The following NEBL variants were observed in gnomAD, a reference collection of about 807,000 sequenced individuals.
The protein encoded by NEBL is nebulette, also known as LIM and SH3 protein 2.
Under a neutral mutation model 140.2 loss-of-function variants are expected in NEBL, and 122 were observed. The ratio of observed to expected loss-of-function variants is 0.87; its 90% CI spans 0.75 to 1.01. The LOEUF is 1.01. Among genes scored for constraint, NEBL ranks in the 50% least tolerant of loss-of-function variants. The pLI, the probability that NEBL is intolerant of heterozygous loss-of-function variation, is 0.00. For synonymous variants in NEBL, 436 were observed against 398.9 expected (o/e 1.09, Z -1.11); for missense variants, 1,365 against 1,231.3 (o/e 1.11, Z -1.62).
intron 2 of NEBL, among the ~76,000 whole-genome samples, chr10:21,166,474 G>A (rs1840784825): frequency 6.6e-6 from 1 of 152,054 alleles, no homozygotes; most frequent in Non-Finnish European, 1.5e-5. Flanking sequence ...GTGTGAGTGA[G>A]TTCTTATCAT....
At chr10:20,862,379 T>G (rs774424151) in intron 7 of NEBL, among the ~76,000 whole-genome samples, 1 of 152,092 alleles carries the variant, frequency 6.6e-6, no homozygotes, top group Non-Finnish European at 1.5e-5. Flanking sequence ...CTACATTATA[T>G]AAAAAAATGC....
chr10:21,168,040 A>G (rs753720727), intron 2 of NEBL, among the ~76,000 whole-genome samples: 4 of 152,228 alleles, frequency 2.6e-5, no homozygotes, highest in Non-Finnish European at 4.4e-5. Flanking sequence ...TCTAGTGTGT[A>G]CTATACTTTG....
chr10:21,219,860 GTT>G (rs11333216), intron 3 of NEBL, among the ~76,000 whole-genome samples: 2,334 of 128,932 alleles, frequency 0.018, 33 homozygotes, highest in African/African-American at 0.038. Flanking sequence ...ATTTTCTTGG[GTT>G]TTTTTTTTTT....
intron 3 of NEBL, among the ~76,000 whole-genome samples, chr10:21,194,821 AC>A (rs1343001217): frequency 3.2e-5 from 3 of 93,318 alleles, no homozygotes; most frequent in Non-Finnish European, 6.4e-5. Context: ...CCTGACCCCC[AC>A]CCCCTGCCGC....
At chr10:20,991,671 T>C (rs1431589150) in intron 3 of NEBL, among the ~76,000 whole-genome samples, 1 of 152,120 alleles carries the variant, frequency 6.6e-6, no homozygotes, top group Non-Finnish European at 1.5e-5. Context: ...ATGGGTATGT[T>C]TCATGATGCA....
chr10:21,283,316 G>C (rs970042552), intron 1 of NEBL, among the ~76,000 whole-genome samples: 6 of 152,128 alleles, frequency 3.9e-5, no homozygotes, highest in African/African-American at 1.4e-4. Flanking sequence ...AAAAGGGGAG[G>C]CATGAATAAT....
At chr10:20,886,196 A>T (rs1846503226) in intron 4 of NEBL, among the ~76,000 whole-genome samples, 1 of 152,146 alleles carries the variant, frequency 6.6e-6, no homozygotes, top group Non-Finnish European at 1.5e-5. Flanking sequence ...AATTTTTTTT[A>T]ATAAGATTAT....
At chr10:21,202,946 C>T (rs1184444989) in intron 3 of NEBL, among the ~76,000 whole-genome samples, 1 of 152,118 alleles carries the variant, frequency 6.6e-6, no homozygotes, top group Non-Finnish European at 1.5e-5. Flanking sequence ...CTGCTCAGAC[C>T]ACAGAAAATT....
In NEBL at chr10:20,814,044, C is replaced by T. The variant is rs1489974215; in HGVS notation, c.2242-1G>A. On this transcript the variant is annotated splice_acceptor_variant, in intron 22 of 27. Transcript: ENST00000377122. LOFTEE classifies it high-confidence loss of function. The stretch of plus-strand genomic sequence containing the variant: ...GTTTATGGTCCTGGGTATATTTTAC[C>T]TGCAAAGTAAATAGTAGGCATAAGA... The T allele has an allele frequency of 1.9e-6, 3 of 1,560,800 alleles. No individual in the cohort carries two copies. The highest frequency in any genetic ancestry group is 2.7e-6 in the Non-Finnish European group (3 of 1,131,834).
At chr10:20,894,584 T>A (rs1246483074) in intron 2 of NEBL, among the ~76,000 whole-genome samples, 1 of 151,638 alleles carries the variant, frequency 6.6e-6, no homozygotes, top group Non-Finnish European at 1.5e-5. Context: ...AGAATTCTAT[T>A]CGGAAGCAAA....
At chr10:21,184,457 A>T (rs1841433101) in intron 3 of NEBL, among the ~76,000 whole-genome samples, 1 of 152,186 alleles carries the variant, frequency 6.6e-6, no homozygotes, top group Admixed American at 6.5e-5. Flanking sequence ...CACGGTACAC[A>T]ATGTGCTCAT....
intron 2 of NEBL, among the ~76,000 whole-genome samples, chr10:21,062,333 A>G (rs1024992842): frequency 1.3e-5 from 2 of 152,024 alleles, no homozygotes; most frequent in Non-Finnish European, 2.9e-5. Context: ...ATTTTAAATG[A>G]AAACTGTTAT....
chr10:21,262,357 A>T (rs1210779392), intron 1 of NEBL, among the ~76,000 whole-genome samples: 2 of 152,174 alleles, frequency 1.3e-5, no homozygotes, highest in Non-Finnish European at 2.9e-5. Context: ...CCCAGATCAC[A>T]GGATTTAGAA....
At chr10:21,232,602 C>G (rs2132256101) in intron 3 of NEBL, among the ~76,000 whole-genome samples, 1 of 152,298 alleles carries the variant, frequency 6.6e-6, no homozygotes, top group Non-Finnish European at 1.5e-5. Context: ...AACCTAGATC[C>G]TTCACATGAG....
At chr10:21,285,324 TC>T (rs1242957210) in intron 1 of NEBL, among the ~76,000 whole-genome samples, 3 of 152,160 alleles carry the variant, frequency 2.0e-5, no homozygotes, top group African/African-American at 4.8e-5. Context: ...CCTATTCTAT[TC>T]GAAGTCACCC....
At chr10:20,914,667 G>A (rs1271307826) in intron 4 of NEBL, among the ~76,000 whole-genome samples, 1 of 152,032 alleles carries the variant, frequency 6.6e-6, no homozygotes, top group Non-Finnish European at 1.5e-5. Flanking sequence ...GTCCTCTTGT[G>A]GGTTTTGAAT....
intron 4 of NEBL, among the ~76,000 whole-genome samples, chr10:20,887,345 C>T (rs1358111788): frequency 6.7e-6 from 1 of 149,726 alleles, no homozygotes; most frequent in South Asian, 2.1e-4. Flanking sequence ...ACACAATCTA[C>T]AGAAAAGGAA....
rs201351208 is a variant in NEBL, at chr10:21,171,349, A to G, written c.164+1034T>C. Among the ~76,000 whole-genome samples, 955 of 91,692 alleles carry G rather than the reference A, an allele frequency of 0.01. 9 individuals are homozygous for G. In the East Asian group the frequency reaches 0.18, roughly 18 times the overall value. The allele number at this position is 91,692 out of a possible 152,430, so 60.2% of individuals were successfully genotyped here. ...AACTTCTGTCTCAAAAAAAAAAAAA[A>G]GAAAAAAAAAAAAGAAAGAAAGGAA... On this transcript the variant is annotated intron_variant, in intron 2 of 6. Coordinates refer to the NEBL transcript ENST00000417816.
At chr10:20,808,701 T>C in intron 25 of NEBL, 42 bp from the exon 26 acceptor site, 1 of 1,582,474 alleles carries the variant, frequency 6.3e-7, no homozygotes, top group Non-Finnish European at 8.7e-7. Flanking sequence ...ATTAAGTGAC[T>C]CGAAAAACAA....
Sources: gnomAD v4.1 joint callset for allele counts (sites outside exome capture counted in the v4.1 genomes callset) on GRCh38, gnomAD v4.1.1 for gene constraint, MANE v1.5 for transcripts, NCBI Gene and HGNC (gene_info 2026-07-23, HGNC 2026-07-21) for gene names.